Variants in PCDH15 observed in about 807,000 individuals in gnomAD.
PCDH15 encodes protocadherin related 15.
PCDH15 carries 129 observed loss-of-function variants against 178.5 expected under a neutral mutation model. The observed-to-expected ratio is 0.72, with a 90% CI of 0.63 to 0.84. The LOEUF (loss-of-function observed/expected upper bound fraction) is 0.84. Among genes scored for constraint, PCDH15 ranks in the 40% least tolerant of loss-of-function variants. The pLI, the probability that PCDH15 is intolerant of heterozygous loss-of-function variation, is 0.00. For missense variants in PCDH15, 2,230 were observed against 2,099.9 expected (o/e 1.06, Z -1.21); for synonymous variants, 800 against 732.0 (o/e 1.09, Z -1.50).
chr10:55,314,849 T>A (rs1843683510), intron 1 of PCDH15, among the ~76,000 whole-genome samples: 1 of 152,174 alleles, frequency 6.6e-6, no homozygotes, highest in Admixed American at 6.5e-5. Flanking sequence ...TCTTGATATT[T>A]TGTTCAGTGA....
At chr10:53,816,346 G>T in intron 34 of PCDH15, 69 bp from the exon 35 acceptor site, 1 of 398,022 alleles carries the variant, frequency 2.5e-6, no homozygotes, top group South Asian at 1.3e-4. Flanking sequence ...GATCATGATT[G>T]AGAAGAGAGG....
chr10:55,341,971 G>A (rs115717332), intron 2 of PCDH15, among the ~76,000 whole-genome samples: 1,720 of 149,846 alleles, frequency 0.011, 27 homozygotes, highest in African/African-American at 0.038. Context: ...AATTGATCAA[G>A]TTTTGGATTA....
chr10:54,613,958 A>G (rs1361514949), intron 2 of PCDH15, among the ~76,000 whole-genome samples: 7 of 151,938 alleles, frequency 4.6e-5, no homozygotes, highest in African/African-American at 1.4e-4. Flanking sequence ...TTAAAATTAT[A>G]TAGTTTTCCA....
At chr10:54,458,304 A>T (rs7075030) in intron 3 of PCDH15, among the ~76,000 whole-genome samples, 1 of 152,102 alleles carries the variant, frequency 6.6e-6, no homozygotes, top group African/African-American at 2.4e-5. Context: ...TATCTTAAAA[A>T]TTTTCCAATA....
intron 3 of PCDH15, among the ~76,000 whole-genome samples, chr10:54,381,852 G>T (rs1159794966): frequency 6.6e-6 from 1 of 152,026 alleles, no homozygotes; most frequent in Admixed American, 6.6e-5. Context: ...TAAGAGAGCT[G>T]GCCCTGGAAT....
intron 1 of PCDH15, among the ~76,000 whole-genome samples, chr10:55,272,919 C>G (rs1234189287): frequency 6.6e-6 from 1 of 152,046 alleles, no homozygotes; most frequent in Non-Finnish European, 1.5e-5. Context: ...CCGAACATAT[C>G]TTTACTGTGT....
chr10:54,007,152 G>A (rs2092414223), intron 20 of PCDH15, among the ~76,000 whole-genome samples: 1 of 152,052 alleles, frequency 6.6e-6, no homozygotes, highest in African/African-American at 2.4e-5. Context: ...TTCTTTCTGT[G>A]TATTTTCTAT....
chr10:54,732,646 C>A (rs185254202), intron 1 of PCDH15, among the ~76,000 whole-genome samples: 1 of 151,372 alleles, frequency 6.6e-6, no homozygotes, highest in Non-Finnish European at 1.5e-5. Flanking sequence ...ACAATCCCTT[C>A]CAAAAAATAG....
chr10:53,927,127 G>A (rs1010811390), intron 25 of PCDH15, among the ~76,000 whole-genome samples: 4 of 143,746 alleles, frequency 2.8e-5, no homozygotes, highest in Non-Finnish European at 6.0e-5. Flanking sequence ...CTGTTTGGAA[G>A]TTTTGTTTAT....
At chr10:55,336,124 G>GGAAAA (rs1171131975) in intron 2 of PCDH15, among the ~76,000 whole-genome samples, 1 of 59,276 alleles carries the variant, frequency 1.7e-5, no homozygotes, top group African/African-American at 5.9e-5. Context: ...CTTGGTATTT[G>GGAAAA]AAAAAAAAAA....
intron 3 of PCDH15, among the ~76,000 whole-genome samples, chr10:54,409,996 ATTCT>A (rs747818681): frequency 9.2e-5 from 14 of 152,242 alleles, no homozygotes; most frequent in Non-Finnish European, 1.9e-4. Context: ...AGTCCACAGT[ATTCT>A]GTTACAGCAA....
chr10:54,796,379 C>T (rs2133638712), intron 1 of PCDH15, among the ~76,000 whole-genome samples: 1 of 151,176 alleles, frequency 6.6e-6, no homozygotes, highest in Non-Finnish European at 1.5e-5. Context: ...TGTATGTATG[C>T]CTGTCTCAGT....
At chr10:54,285,429 A>G (rs888520739) in intron 8 of PCDH15, among the ~76,000 whole-genome samples, 4 of 152,314 alleles carry the variant, frequency 2.6e-5, no homozygotes, top group African/African-American at 9.6e-5. Flanking sequence ...CTGAATAGAT[A>G]TTTCTCAAAA....
At chr10:53,978,579 T>C (rs1464391282) in intron 21 of PCDH15, among the ~76,000 whole-genome samples, 3 of 152,052 alleles carry the variant, frequency 2.0e-5, no homozygotes, top group African/African-American at 7.2e-5. Context: ...ATTTCCCCCA[T>C]TGTCATGGTG....
chr10:54,455,524 G>A lies in PCDH15; in HGVS notation c.157+72288C>T, dbSNP rs1008385611. ...CTCTTGCTATGCAGGGAGACTGGCA[G>A]CATTTTGCCCCGCAGAACTTTGAAC... is the stretch of plus-strand genomic sequence containing the variant. On this transcript the variant is annotated intron_variant, in intron 3 of 37. Coordinates refer to ENST00000644397, the MANE Select transcript of PCDH15 (RefSeq NM_001384140.1). 5.3e-5 allele frequency among the ~76,000 whole-genome samples: 8 copies of A among 152,142 alleles called. No homozygotes were observed. In the South Asian group the frequency reaches 1.2e-3, roughly 24 times the overall value.
chr10:55,458,753 C>A (rs1376849236), intron 2 of PCDH15, among the ~76,000 whole-genome samples: 2 of 151,976 alleles, frequency 1.3e-5, no homozygotes, highest in Non-Finnish European at 2.9e-5. Flanking sequence ...AGCAGAGTTC[C>A]TTTGCAGATA....
intron 1 of PCDH15, among the ~76,000 whole-genome samples, chr10:55,279,707 C>T (rs1842679634): frequency 6.6e-6 from 1 of 152,116 alleles, no homozygotes; most frequent in Admixed American, 6.5e-5. Flanking sequence ...ATCTCCAAAA[C>T]ATCAATAGAA....
chr10:54,474,863 A>C (rs191562889), intron 3 of PCDH15, among the ~76,000 whole-genome samples: 339 of 152,092 alleles, frequency 2.2e-3, no homozygotes, highest in Non-Finnish European at 4.1e-3. Flanking sequence ...GTGAAAATTA[A>C]TTTTTACAGA....
chr10:54,781,213 C>T (rs923969675), intron 1 of PCDH15, among the ~76,000 whole-genome samples: 2 of 151,922 alleles, frequency 1.3e-5, no homozygotes, highest in East Asian at 1.9e-4. Flanking sequence ...ATATGCAGGA[C>T]GTGCAGGTTT....
Sources: allele counts gnomAD v4.1 joint callset (sites outside exome capture counted in the v4.1 genomes callset), GRCh38; gene constraint gnomAD v4.1.1; transcripts MANE v1.5; gene names NCBI Gene and HGNC (gene_info 2026-07-23, HGNC 2026-07-21).